NDUFAF2: variants seen among roughly 807,000 people sequenced by gnomAD.
NDUFAF2 encodes the protein NADH dehydrogenase [ubiquinone] 1 alpha subcomplex assembly factor 2.
Under a neutral mutation model 22.8 loss-of-function variants are expected in NDUFAF2, and 13 were observed. The ratio of observed to expected loss-of-function variants is 0.57; its 90% CI spans 0.37 to 0.91. The LOEUF is 0.91. NDUFAF2 is among the 40% of genes least tolerant of loss of function. The pLI is 0.01. For missense variants in NDUFAF2, 162 were observed against 195.2 expected, an observed-to-expected ratio of 0.83 and a Z score of 1.01; for synonymous variants, 53 against 64.2, an observed-to-expected ratio of 0.83 and a Z score of 0.84.
Position 61,002,045 on chromosome 5 carries a change from A to G in NDUFAF2, c.127+56663A>G, listed in dbSNP as rs145255546. The stretch of plus-strand genomic sequence containing the variant: ...CAAGCTGCCTACATGGATCAGCTCC[A>G]TCAATAAGCAAGAGATGACGATGAG... On this transcript the variant is annotated intron_variant, in intron 1 of 3. Transcript: ENST00000296597. Among the ~76,000 whole-genome samples, 1,148 of 152,214 alleles carry G rather than the reference A, an allele frequency of 7.5e-3. 14 individuals carry two copies. Among genetic ancestry groups the G allele is most frequent in the African/African-American group, 0.026 (1,068 of 41,560 alleles).
intron 2 of NDUFAF2, among the ~76,000 whole-genome samples, chr5:61,077,323 A>G (rs1752381780): frequency 1.3e-5 from 2 of 152,220 alleles, no homozygotes; most frequent in Admixed American, 6.5e-5. Context: ...TGCCAGAAAC[A>G]TAGGAGAAAA....
At chr5:61,058,130 G>A (rs1752121278) in intron 1 of NDUFAF2, among the ~76,000 whole-genome samples, 1 of 152,042 alleles carries the variant, frequency 6.6e-6, no homozygotes, top group African/African-American at 2.4e-5. Context: ...GAAACCATTT[G>A]GGTCTAGAAG....
chr5:61,024,897 T>G, intron 1 of NDUFAF2, among the ~76,000 whole-genome samples: 1 of 152,116 alleles, frequency 6.6e-6, no homozygotes, highest in East Asian at 1.9e-4. Context: ...GCTAACAGTT[T>G]TCCAAAGGCC....
At chr5:61,033,998 A>T (rs1263489617) in intron 1 of NDUFAF2, among the ~76,000 whole-genome samples, 2 of 152,172 alleles carry the variant, frequency 1.3e-5, no homozygotes, top group African/African-American at 4.8e-5. Flanking sequence ...GAGAAAATTG[A>T]CTGGTAAAGT....
chr5:61,020,357 A>T (rs953008113), intron 1 of NDUFAF2, among the ~76,000 whole-genome samples: 3 of 152,092 alleles, frequency 2.0e-5, no homozygotes, highest in African/African-American at 7.2e-5. Context: ...AATTTTAGAT[A>T]ATCAGTTTTT....
intron 1 of NDUFAF2, among the ~76,000 whole-genome samples, chr5:61,008,731 C>T (rs1222739839): frequency 6.6e-6 from 1 of 152,028 alleles, no homozygotes; most frequent in South Asian, 2.1e-4. Flanking sequence ...AGTGACAGAA[C>T]CCGAATGTAA....
At chr5:60,966,913 G>C (rs936230446) in intron 1 of NDUFAF2, among the ~76,000 whole-genome samples, 2 of 152,044 alleles carry the variant, frequency 1.3e-5, no homozygotes, top group African/African-American at 2.4e-5. Flanking sequence ...GGATTGCAGT[G>C]AATCTGTAGA....
intron 1 of NDUFAF2, among the ~76,000 whole-genome samples, chr5:61,013,853 A>G (rs1387150015): frequency 6.6e-6 from 1 of 152,234 alleles, no homozygotes; most frequent in Non-Finnish European, 1.5e-5. Flanking sequence ...ATTTATGTGT[A>G]GGTCATGTGC....
At chr5:61,036,990 AT>A (rs1000105125) in intron 1 of NDUFAF2, among the ~76,000 whole-genome samples, 2 of 151,854 alleles carry the variant, frequency 1.3e-5, no homozygotes, top group Non-Finnish European at 2.9e-5. Flanking sequence ...ACCATCCTAA[AT>A]TTTTTTTCAT....
chr5:60,995,950 A>ATT (rs2112588137), intron 1 of NDUFAF2, among the ~76,000 whole-genome samples: 1 of 151,672 alleles, frequency 6.6e-6, no homozygotes, highest in East Asian at 1.9e-4. Context: ...GAAGTACTAC[A>ATT]AGACTACCCC....
rs10651718 is a variant in NDUFAF2, at chr5:61,070,596, T to TACACACAC, written c.128-2504_128-2497dup. On this transcript the variant is annotated intron_variant, in intron 1 of 3. Transcript: ENST00000296597. ...ATTAATTACTCTTCCTGTCTTTGCA[T>TACACACAC]ACACACACACACACACACACACACA... Among the ~76,000 whole-genome samples the TACACACAC allele has an allele frequency of 5.7e-3, 851 of 148,066 alleles. 13 individuals carry two copies. In the East Asian group the frequency reaches 0.059, roughly 10 times the overall value.
chr5:60,997,511 T>G (rs1231859395), intron 1 of NDUFAF2, among the ~76,000 whole-genome samples: 2 of 152,200 alleles, frequency 1.3e-5, no homozygotes, highest in African/African-American at 4.8e-5. Context: ...ACGATGGAAT[T>G]TAAAAACTTT....
chr5:61,039,386 A>G (rs1015644082), intron 1 of NDUFAF2, among the ~76,000 whole-genome samples: 1 of 152,196 alleles, frequency 6.6e-6, no homozygotes, highest in Non-Finnish European at 1.5e-5. Context: ...CTAATAGATA[A>G]TAGTTCTTCT....
intron 1 of NDUFAF2, among the ~76,000 whole-genome samples, chr5:61,062,195 C>T (rs1752173171): frequency 6.6e-6 from 1 of 152,074 alleles, no homozygotes; most frequent in Non-Finnish European, 1.5e-5. Flanking sequence ...CAAAATAATT[C>T]TTCAGTAGCT....
At chr5:60,994,413 A>G (rs1481273733) in intron 1 of NDUFAF2, among the ~76,000 whole-genome samples, 1 of 152,142 alleles carries the variant, frequency 6.6e-6, no homozygotes, top group Non-Finnish European at 1.5e-5. Context: ...CTGCAGCTGC[A>G]CCTGGGGAAC....
At chr5:61,083,331 TA>T (rs1752467194) in intron 2 of NDUFAF2, 1 of 152,098 alleles carries the variant, frequency 6.6e-6, no homozygotes, top group Admixed American at 6.6e-5. Context: ...CGGCGAAAGG[TA>T]GGGGTCAACT....
chr5:61,136,804 C>T (rs1740968819), intron 3 of NDUFAF2, among the ~76,000 whole-genome samples: 1 of 152,176 alleles, frequency 6.6e-6, no homozygotes, highest in African/African-American at 2.4e-5. Context: ...CAGAGTTGTT[C>T]CATTGAAGAG....
chr5:61,081,097 A>G lies in NDUFAF2; in HGVS notation c.217+7883A>G, dbSNP rs181078794. Among the ~76,000 whole-genome samples the G allele has an allele frequency of 1.7e-4, 26 of 152,118 alleles. No homozygotes were observed. In the East Asian group the frequency reaches 5.0e-3, roughly 29 times the overall value. The stretch of plus-strand genomic sequence containing the variant: ...TTTTTAAATGACCACTATTTTTTCC[A>G]TTGAATTGCCTTAGCACCTTTGTCA... On this transcript the variant is annotated intron_variant, in intron 2 of 3. Transcript: ENST00000296597.
chr5:61,097,401 T>C (rs1752657919), intron 2 of NDUFAF2, among the ~76,000 whole-genome samples: 1 of 122,544 alleles, frequency 8.2e-6, no homozygotes, highest in Non-Finnish European at 1.8e-5. Flanking sequence ...TACTTTATAA[T>C]AAAGTTTTGA....
Sources: allele counts gnomAD v4.1 joint callset (sites outside exome capture counted in the v4.1 genomes callset), GRCh38; gene constraint gnomAD v4.1.1; transcripts MANE v1.5; gene names NCBI Gene and HGNC (gene_info 2026-07-23, HGNC 2026-07-21).